The following ZNF208 variants were observed in gnomAD, a reference collection of about 807,000 sequenced individuals.
ZNF208 encodes the protein zinc finger protein 95.
A neutral mutation model predicts 12.1 loss-of-function variants in ZNF208; 10 were observed. The observed-to-expected ratio is 0.83, with a 90% CI of 0.51 to 1.40. The LOEUF is 1.40. Among genes scored for constraint, ZNF208 ranks in the 40% most tolerant of loss-of-function variants. The pLI is 0.00. For missense variants in ZNF208, 1,652 were observed against 1,485.0 expected, an observed-to-expected ratio of 1.11 and a Z score of -1.85; for synonymous variants, 497 against 488.4, an observed-to-expected ratio of 1.02 and a Z score of -0.23.
chr19:21,959,046 C>G (rs1451933167), intron 4 of ZNF208, among the ~76,000 whole-genome samples: 1 of 151,790 alleles, frequency 6.6e-6, no homozygotes, highest in Non-Finnish European at 1.5e-5. Flanking sequence ...CACACCATTG[C>G]ACTCCACCCT....
intron 3 of ZNF208, among the ~76,000 whole-genome samples, chr19:21,980,358 TAACA>T (rs1171035426): frequency 1.3e-5 from 2 of 152,110 alleles, no homozygotes; most frequent in African/African-American, 2.4e-5. Flanking sequence ...ATGGAAATCA[TAACA>T]AACAGTCTCT....
rs71178799 is a variant in ZNF208, at chr19:21,994,954, CTT to C, written c.4-6047_4-6046del. Among the ~76,000 whole-genome samples the C allele has an allele frequency of 6.9e-5, 10 of 144,668 alleles. 1 individual carries two copies. Among genetic ancestry groups the C allele is most frequent in the Middle Eastern group, 3.4e-3 (1 of 298 alleles). The allele number at this position is 144,668 out of a possible 152,430, so 94.9% of individuals were successfully genotyped here. On this transcript the variant is annotated intron_variant, in intron 1 of 3. Transcript: ENST00000397126. ...ATGACTGCTTATCTGTTTTTCTTTT[CTT>C]TTTTTTTTTTTTTGAGACTGAGTCT...
chr19:21,943,956 G>A (rs1276046752), intron 4 of ZNF208, among the ~76,000 whole-genome samples: 3 of 152,186 alleles, frequency 2.0e-5, no homozygotes, highest in Non-Finnish European at 4.4e-5. Flanking sequence ...ACTCTTGTCT[G>A]TAATGTCAGC....
At chr19:21,941,387 A>C (rs918382797) in intron 4 of ZNF208, 6 of 398,960 alleles carry the variant, frequency 1.5e-5, no homozygotes, top group African/African-American at 1.0e-4. Context: ...GAACATGGTA[A>C]GGTGCTGACG....
intron 4 of ZNF208, among the ~76,000 whole-genome samples, chr19:21,956,955 C>T (rs1260512090): frequency 6.6e-6 from 1 of 152,234 alleles, no homozygotes; most frequent in African/African-American, 2.4e-5. Flanking sequence ...CCTATTCAGA[C>T]ATCTTGGGAC....
chr19:21,971,053 A>C lies in ZNF208; in HGVS notation c.*138T>G. 2 of 1,610,556 alleles carry C rather than the reference A, an allele frequency of 1.2e-6. No individual in the cohort carries two copies. The highest frequency in any genetic ancestry group is 2.7e-5 in the African/African-American group (2 of 74,650). ...GTGTCTCTCCAGTATGAATTCTCTT[A>C]TGTTCCATAAGGTTTGAGGACCAGT... On this transcript the variant is annotated 3_prime_UTR_variant, in exon 4 of 4. Transcript: ENST00000397126.
rs567974439 is a variant in ZNF208 at position 21,968,186 on chromosome 19, T to C, written c.*3005A>G. 7 of 152,306 alleles carry C rather than the reference T, an allele frequency of 4.6e-5. No individual in the cohort carries two copies. Among genetic ancestry groups the C allele is most frequent in the South Asian group, 2.1e-4 (1 of 4,828 alleles). 9.4% of individuals were successfully genotyped at this position (152,306 alleles called of 1,614,324 possible). Reference sequence around the variant, plus strand: ...TGGACAATTCTTTCATCAGTAAAGATAATTTGACTTTCTTTGTTTTCTGTT... The same window carrying C: ...TGGACAATTCTTTCATCAGTAAAGACAATTTGACTTTCTTTGTTTTCTGTT... On this transcript the variant is annotated 3_prime_UTR_variant, in exon 4 of 4. Transcript: ENST00000397126.
chr19:21,996,085 T>C (rs996159443), intron 1 of ZNF208, among the ~76,000 whole-genome samples: 1 of 152,076 alleles, frequency 6.6e-6, no homozygotes, highest in African/African-American at 2.4e-5. Context: ...AAGGAGAGAT[T>C]CCCTCCTAGA....
intron 4 of ZNF208, among the ~76,000 whole-genome samples, chr19:21,952,429 C>A (rs1969904317): frequency 6.6e-6 from 1 of 152,150 alleles, no homozygotes; most frequent in Non-Finnish European, 1.5e-5. Flanking sequence ...TAGGTGGGTG[C>A]CCCTCTGGGA....
intron 3 of ZNF208, among the ~76,000 whole-genome samples, chr19:21,984,921 A>G (rs114566452): frequency 3.1e-3 from 472 of 152,350 alleles, no homozygotes; most frequent in African/African-American, 9.9e-3. Flanking sequence ...TGCGACACAT[A>G]TACTTTAACA....
chr19:21,998,052 A>G (rs1970871943), intron 1 of ZNF208: 1 of 152,036 alleles, frequency 6.6e-6, no homozygotes. Flanking sequence ...CAAACACCCA[A>G]AGTGCATAGC....
At chr19:21,963,042 C>T (rs1460109701), downstream of ZNF208, among the ~76,000 whole-genome samples, 2 of 151,944 alleles carry the variant, frequency 1.3e-5, no homozygotes. Flanking sequence ...TTATATCATC[C>T]TCTTTCACTA....
intron 1 of ZNF208, among the ~76,000 whole-genome samples, 153 bp downstream of exon 1, chr19:22,010,639 A>C (rs1971130490): frequency 6.6e-6 from 1 of 152,170 alleles, no homozygotes; most frequent in Non-Finnish European, 1.5e-5. Flanking sequence ...CCTCCATCTT[A>C]TGGCTGAACC....
rs771410670 is a variant in ZNF208, at chr19:21,972,782, C to A, written c.2252G>T (p.Cys751Phe). 3.1e-6 allele frequency: 5 copies of A among 1,611,888 alleles called. No individual in the cohort carries two copies. The South Asian group carries it at 5.5e-5, about 18-fold the overall frequency. ...VIHTGEKPYK[C>F]EECGKAYKWS... ...CTTATAGGCTTTGCCACATTCTTCA[C>A]ATTTGTAGGGTTTCTCTCCAGTATG... Residue 751 changes from cysteine to phenylalanine, a missense_variant, in exon 4 of 4, where the codon TGT becomes TTT. This residue lies in a region of ZNF208 where 1,239 missense variants were observed against 1,086.2 expected (regional missense o/e 1.14). Coordinates refer to ENST00000397126, the MANE Select transcript of ZNF208 (RefSeq NM_007153.3).
At chr19:21,950,356 T>C (rs1969870840) in intron 4 of ZNF208, among the ~76,000 whole-genome samples, 1 of 152,142 alleles carries the variant, frequency 6.6e-6, no homozygotes, top group African/African-American at 2.4e-5. Context: ...CCACCATAAA[T>C]TGCATTTTAA....
intron 4 of ZNF208, among the ~76,000 whole-genome samples, chr19:21,947,635 G>A (rs1025439167): frequency 6.6e-6 from 1 of 152,150 alleles, no homozygotes; most frequent in African/African-American, 2.4e-5. Flanking sequence ...AAGCCATGCT[G>A]ACAAAACAAA....
chr19:21,942,044 A>G (rs1025077611), intron 4 of ZNF208, among the ~76,000 whole-genome samples: 5 of 152,198 alleles, frequency 3.3e-5, no homozygotes, highest in Non-Finnish European at 4.4e-5. Context: ...TTGAGAAAAG[A>G]TTGTTTTTTA....
intron 1 of ZNF208, among the ~76,000 whole-genome samples, chr19:21,995,423 C>T (rs964604192): frequency 1.3e-5 from 2 of 152,180 alleles, no homozygotes; most frequent in African/African-American, 4.8e-5. Flanking sequence ...CGAGATGACT[C>T]ATTTCTCTCA....
chr19:21,988,708 T>C, intron 2 of ZNF208, 75 bp downstream of exon 2: 1 of 1,610,232 alleles, frequency 6.2e-7, no homozygotes, highest in Non-Finnish European at 8.5e-7. Flanking sequence ...TCCTCCGTTG[T>C]TCAGTCCAAT....
Sources: gnomAD v4.1 joint callset for allele counts (sites outside exome capture counted in the v4.1 genomes callset) on GRCh38, gnomAD v4.1.1 for gene constraint, gnomAD v4.1.1 regional missense constraint, MANE v1.5 for transcripts, NCBI Gene and HGNC (gene_info 2026-07-23, HGNC 2026-07-21) for gene names.